The following TAOK1 variants were observed in gnomAD, a reference collection of about 807,000 sequenced individuals.
TAOK1 encodes the protein TAO kinase 1, also known as serine/threonine-protein kinase TAO1.
Under a neutral mutation model 138.3 loss-of-function variants are expected in TAOK1, and 21 were observed. The observed-to-expected ratio is 0.15, with a 90% CI of 0.11 to 0.22. TAOK1 has a LOEUF of 0.22. Among genes scored for constraint, TAOK1 ranks in the 10% least tolerant of loss-of-function variants. TAOK1 has a pLI of 1.00. For missense variants in TAOK1, 651 were observed against 1,227.7 expected, an observed-to-expected ratio of 0.53 and a Z score of 7.02; for synonymous variants, 361 against 398.4, an observed-to-expected ratio of 0.91 and a Z score of 1.12.
In TAOK1 at chr17:29,542,884, A is replaced by C. The variant is rs769839634; in HGVS notation, c.2868A>C (p.Arg956=). The C allele has an allele frequency of 6.2e-7, 1 of 1,614,038 alleles. No homozygotes were observed. Among genetic ancestry groups the C allele is most frequent in the Admixed American group, 1.7e-5 (1 of 59,996 alleles). ...HPSGPMQGVP[R]GSSMGVRNSP... ...CAGGGCCAATGCAAGGGGTACCTCGAGGTAGCAGTATGGGAGTCCGCAATA... is the reference window on the plus strand; with the variant it reads ...CAGGGCCAATGCAAGGGGTACCTCGCGGTAGCAGTATGGGAGTCCGCAATA... The change falls in exon 20 of 20, where the codon CGA becomes CGC. Residue 956 remains arginine (R), a synonymous_variant. Transcript: ENST00000261716.
chr17:29,418,439 A>T (rs1006169438), intron 1 of TAOK1, among the ~76,000 whole-genome samples: 1 of 152,030 alleles, frequency 6.6e-6, no homozygotes, highest in Non-Finnish European at 1.5e-5. Context: ...TCCTGACCTC[A>T]AGTGATCCTC....
intron 8 of TAOK1, among the ~76,000 whole-genome samples, chr17:29,482,622 A>C (rs2031086748): frequency 6.6e-6 from 1 of 152,122 alleles, no homozygotes; most frequent in Non-Finnish European, 1.5e-5. Context: ...GAAGATCTGT[A>C]AGCCATTCAT....
chr17:29,401,727 T>C (rs1433392522), intron 1 of TAOK1, among the ~76,000 whole-genome samples: 1 of 152,122 alleles, frequency 6.6e-6, no homozygotes, highest in Non-Finnish European at 1.5e-5. Context: ...TGATCATGGC[T>C]TGCTGAAACC....
chr17:29,429,615 T>C (rs1905762751), intron 1 of TAOK1, among the ~76,000 whole-genome samples: 1 of 152,138 alleles, frequency 6.6e-6, no homozygotes. Context: ...CATGGTACAT[T>C]TGTCAATGCT....
At chr17:29,531,881 G>C (rs1340576174) in intron 18 of TAOK1, among the ~76,000 whole-genome samples, 13 of 138,250 alleles carry the variant, frequency 9.4e-5, no homozygotes, top group Admixed American at 1.5e-4. Context: ...TTTTTTTTGA[G>C]ACGGAGTCTC....
At chr17:29,415,455 A>C (rs1156622019) in intron 1 of TAOK1, among the ~76,000 whole-genome samples, 2 of 152,176 alleles carry the variant, frequency 1.3e-5, no homozygotes, top group Non-Finnish European at 2.9e-5. Context: ...ATTTTACATT[A>C]CCACCAAAAA....
intron 9 of TAOK1, among the ~76,000 whole-genome samples, chr17:29,491,252 C>T (rs568389488): frequency 3.9e-5 from 6 of 152,176 alleles, no homozygotes; most frequent in East Asian, 1.9e-4. Context: ...AGACTTCTAA[C>T]GTTTTTAAAA....
At chr17:29,411,402 G>GT (rs1338847747) in intron 1 of TAOK1, among the ~76,000 whole-genome samples, 2 of 147,420 alleles carry the variant, frequency 1.4e-5, no homozygotes, top group African/African-American at 2.5e-5. Flanking sequence ...TCTTTTTACT[G>GT]TTTTTTTGAG....
chr17:29,530,123 C>G (rs890983517), intron 17 of TAOK1, among the ~76,000 whole-genome samples: 2 of 152,172 alleles, frequency 1.3e-5, no homozygotes, highest in African/African-American at 4.8e-5. Context: ...AGGTCACTAA[C>G]TTTATTAGTG....
At position 29,549,662 on chromosome 17, in the gene TAOK1, C is replaced by T. The variant is rs1203123958; in HGVS notation, c.*6640C>T. 4 of 152,068 alleles carry T rather than the reference C, an allele frequency of 2.6e-5. No homozygotes were observed. Among genetic ancestry groups the T allele is most frequent in the Non-Finnish European group, 5.9e-5 (4 of 68,000 alleles). The allele number at this position is 152,068 out of a possible 1,614,324, so 9.4% of individuals were successfully genotyped here. On this transcript the variant is annotated 3_prime_UTR_variant, in exon 20 of 20. Transcript: ENST00000261716. ...GCAGATTCTGGGTGGTCTATGTGAC[C>T]ATTTGTCTCGTATCCAAAAACCCCG...
chr17:29,482,799 G>A (rs1355416059), intron 8 of TAOK1, among the ~76,000 whole-genome samples: 1 of 151,378 alleles, frequency 6.6e-6, no homozygotes, highest in Non-Finnish European at 1.5e-5. Context: ...ATGATCCATA[G>A]GTATATGCAT....
intron 19 of TAOK1, among the ~76,000 whole-genome samples, chr17:29,536,835 G>A (rs908190238): frequency 4.0e-5 from 6 of 151,372 alleles, no homozygotes; most frequent in Non-Finnish European, 8.8e-5. Flanking sequence ...GAGTACCTGG[G>A]ACTACAGGTG....
intron 18 of TAOK1, 35 bp downstream of exon 18, chr17:29,530,654 G>C: frequency 6.4e-7 from 1 of 1,557,350 alleles, no homozygotes; most frequent in South Asian, 1.1e-5. Flanking sequence ...AACAAATTTA[G>C]TGCCCCTTTT....
At chr17:29,492,127 C>A (rs1048628794) in intron 10 of TAOK1, among the ~76,000 whole-genome samples, 1 of 152,044 alleles carries the variant, frequency 6.6e-6, no homozygotes, top group African/African-American at 2.4e-5. Flanking sequence ...TCAAGTGATC[C>A]ACACCTGCCT....
chr17:29,413,881 CTTTTTTTTTTT>C (rs34539579), intron 1 of TAOK1, among the ~76,000 whole-genome samples: 4 of 101,250 alleles, frequency 4.0e-5, no homozygotes, highest in Non-Finnish European at 7.5e-5. Context: ...TTTCTGGCTT[CTTTTTTTTTTT>C]TTTTTTTTTT....
chr17:29,534,542 A>G (rs1333914898), intron 19 of TAOK1, among the ~76,000 whole-genome samples: 1 of 152,212 alleles, frequency 6.6e-6, no homozygotes, highest in Non-Finnish European at 1.5e-5. Context: ...GAGAAAAGAT[A>G]TGGGTGTGTG....
chr17:29,534,022 C>T (rs2032178964), intron 18 of TAOK1, 96 bp from the exon 19 acceptor site: 2 of 1,296,606 alleles, frequency 1.5e-6, no homozygotes, highest in South Asian at 2.2e-5. Flanking sequence ...AAAGAGTAGT[C>T]TGTCTTCTAA....
chr17:29,484,238 G>A (rs1234117538), intron 8 of TAOK1, among the ~76,000 whole-genome samples: 1 of 152,142 alleles, frequency 6.6e-6, no homozygotes, highest in Non-Finnish European at 1.5e-5. Context: ...TTTTGCATGG[G>A]AGAAATATTT....
At chr17:29,540,725 C>CA (rs1292695854) in intron 19 of TAOK1, among the ~76,000 whole-genome samples, 1 of 152,134 alleles carries the variant, frequency 6.6e-6, no homozygotes, top group African/African-American at 2.4e-5. Flanking sequence ...CATGTGCCAC[C>CA]ACGCCCGGCT....
Sources: allele counts gnomAD v4.1 joint callset (sites outside exome capture counted in the v4.1 genomes callset), GRCh38; gene constraint gnomAD v4.1.1; transcripts MANE v1.5; gene names NCBI Gene and HGNC (gene_info 2026-07-23, HGNC 2026-07-21).